Variants in GSK3B observed in about 807,000 individuals in gnomAD.
GSK3B encodes the protein glycogen synthase kinase-3 beta.
Under a neutral mutation model 56.4 loss-of-function variants are expected in GSK3B, and 15 were observed. That is an observed-to-expected ratio of 0.27 (90% CI 0.18 to 0.41). GSK3B has a LOEUF of 0.41. Ranked by LOEUF, GSK3B falls within the 10% of genes least tolerant of loss-of-function variation. The probability of loss-of-function intolerance (pLI) is 1.00; values close to 1 mark genes in which losing one functional copy is unlikely to be tolerated. For synonymous variants in GSK3B, 181 were observed against 188.9 expected (o/e 0.96, Z 0.34); for missense variants, 300 against 513.4 (o/e 0.58, Z 4.02).
chr3:120,004,791 A>C (rs933618147), intron 1 of GSK3B, among the ~76,000 whole-genome samples: 2 of 152,218 alleles, frequency 1.3e-5, no homozygotes, highest in African/African-American at 4.8e-5. Flanking sequence ...CAAAGACCAA[A>C]GATAGATAAA....
At chr3:120,007,526 C>A (rs2057740015) in intron 1 of GSK3B, among the ~76,000 whole-genome samples, 2 of 152,164 alleles carry the variant, frequency 1.3e-5, no homozygotes, top group African/African-American at 4.8e-5. Flanking sequence ...CAATGAAATA[C>A]TGGCAAATCG....
At chr3:119,875,806 AC>A (rs1469697378) in intron 8 of GSK3B, among the ~76,000 whole-genome samples, 6 of 152,068 alleles carry the variant, frequency 3.9e-5, no homozygotes, top group Admixed American at 6.6e-5. Context: ...GTTCCCTGGT[AC>A]ATTAGCAACT....
At chr3:119,858,391 T>C (rs1360469821) in intron 9 of GSK3B, among the ~76,000 whole-genome samples, 1 of 152,248 alleles carries the variant, frequency 6.6e-6, no homozygotes, top group South Asian at 2.1e-4. Flanking sequence ...GCAGCTTCTA[T>C]ATCAGCACTT....
chr3:119,920,799 G>C (rs374068363), intron 4 of GSK3B, among the ~76,000 whole-genome samples: 2 of 152,252 alleles, frequency 1.3e-5, no homozygotes, highest in East Asian at 3.9e-4. Context: ...AAAACTCATC[G>C]ATTTTATTTG....
At chr3:119,890,313 T>C (rs13320980) in intron 7 of GSK3B, among the ~76,000 whole-genome samples, 35,206 of 151,912 alleles carry the variant, frequency 0.23, 5,077 homozygotes, top group Non-Finnish European at 0.32. Context: ...TAAAAAGGAA[T>C]AAACAGGTGA....
chr3:119,852,408 G>A (rs540221053), intron 9 of GSK3B, among the ~76,000 whole-genome samples: 56 of 151,844 alleles, frequency 3.7e-4, no homozygotes, highest in African/African-American at 1.3e-3. Flanking sequence ...GAGTGCAGTG[G>A]TGTGATCTCA....
At chr3:120,022,699 A>G (rs536509691) in intron 1 of GSK3B, among the ~76,000 whole-genome samples, 7 of 152,338 alleles carry the variant, frequency 4.6e-5, no homozygotes, top group African/African-American at 1.7e-4. Flanking sequence ...TAAGTGGGTC[A>G]ATTCACAAAG....
chr3:119,961,473 C>T (rs2057270866), intron 2 of GSK3B, among the ~76,000 whole-genome samples: 2 of 151,724 alleles, frequency 1.3e-5, no homozygotes, highest in South Asian at 2.1e-4. Context: ...ACTAAAAATA[C>T]AAAAATTAGC....
At chr3:120,047,611 T>C (rs2058114451) in intron 1 of GSK3B, among the ~76,000 whole-genome samples, 1 of 152,228 alleles carries the variant, frequency 6.6e-6, no homozygotes, top group African/African-American at 2.4e-5. Context: ...AAATAAGTGT[T>C]TTCCAATTAA....
intron 4 of GSK3B, among the ~76,000 whole-genome samples, chr3:119,921,164 T>C (rs1037517679): frequency 2.0e-5 from 3 of 152,200 alleles, no homozygotes; most frequent in African/African-American, 4.8e-5. Context: ...TTGGTACCTA[T>C]GGAGGATGCT....
intron 4 of GSK3B, among the ~76,000 whole-genome samples, chr3:119,922,595 A>G (rs7431209): frequency 0.79 from 118,716 of 150,468 alleles, 47,711 homozygotes; most frequent in African/African-American, 0.95. Context: ...TTCTACTTTG[A>G]TAACCCTTTT....
chr3:119,928,604 CAAAAAAATAA>C (rs2056910831), intron 3 of GSK3B, among the ~76,000 whole-genome samples: 1 of 28,640 alleles, frequency 3.5e-5, no homozygotes, highest in East Asian at 1.2e-3. Context: ...GACTCCATAT[CAAAAAAATAA>C]AAAAAAAAAA....
chr3:119,919,806 A>G (rs887559277), intron 4 of GSK3B, among the ~76,000 whole-genome samples: 5 of 152,054 alleles, frequency 3.3e-5, no homozygotes, highest in African/African-American at 1.2e-4. Context: ...TAACTAGAAT[A>G]CAGCCACATG....
At chr3:119,827,752 C>T (rs1051934989) in intron 10 of GSK3B, among the ~76,000 whole-genome samples, 1 of 151,524 alleles carries the variant, frequency 6.6e-6, no homozygotes, top group Non-Finnish European at 1.5e-5. Context: ...CATGTTCTCA[C>T]TTATTTGTAG....
chr3:120,089,170 G>A (rs1381966928), intron 1 of GSK3B, among the ~76,000 whole-genome samples: 1 of 152,192 alleles, frequency 6.6e-6, no homozygotes, highest in Non-Finnish European at 1.5e-5. Context: ...TCTAAATGCA[G>A]TTCCCAATCA....
rs1416541186 is a variant in GSK3B, at chr3:120,061,002, T to C, written c.88+32345A>G. On this transcript the variant is annotated intron_variant, in intron 1 of 10. Coordinates refer to ENST00000264235, the MANE Select transcript of GSK3B (RefSeq NM_001146156.2). ...TTTTCTGTTGTCAGGCTTCAAACTT[T>C]AGATGCTTAACCTTAACTTTCTACT... 3.3e-5 allele frequency among the ~76,000 whole-genome samples: 5 copies of C among 152,340 alleles called. No homozygotes were observed. The East Asian group carries it at 7.7e-4, about 24-fold the overall frequency.
chr3:119,878,644 A>C (rs1460344214), intron 7 of GSK3B, among the ~76,000 whole-genome samples: 1 of 152,222 alleles, frequency 6.6e-6, no homozygotes, highest in Non-Finnish European at 1.5e-5. Context: ...ATGTTCATAC[A>C]AAGACTTGTA....
chr3:119,835,527 A>T (rs2108003562), intron 10 of GSK3B, among the ~76,000 whole-genome samples: 1 of 152,326 alleles, frequency 6.6e-6, no homozygotes, highest in Admixed American at 6.5e-5. Context: ...CCCATTTTTT[A>T]AAAAACATGT....
At chr3:119,858,209 C>T (rs932583081) in intron 9 of GSK3B, among the ~76,000 whole-genome samples, 1 of 152,180 alleles carries the variant, frequency 6.6e-6, no homozygotes. Flanking sequence ...AATGAGTCAA[C>T]CTATCCTTTG....
Sources: gnomAD v4.1 joint callset for allele counts (sites outside exome capture counted in the v4.1 genomes callset) on GRCh38, gnomAD v4.1.1 for gene constraint, MANE v1.5 for transcripts, NCBI Gene and HGNC (gene_info 2026-07-23, HGNC 2026-07-21) for gene names.